Variants in CWF19L2 observed in about 807,000 individuals in gnomAD.
CWF19L2 encodes CWF19-like protein 2.
Under a neutral mutation model 111.7 loss-of-function variants are expected in CWF19L2, and 98 were observed. The ratio of observed to expected loss-of-function variants is 0.88; its 90% CI spans 0.75 to 1.04. CWF19L2 has a LOEUF of 1.04. CWF19L2 is among the 50% of genes least tolerant of loss of function. The pLI is 0.00. For synonymous variants in CWF19L2, 351 were observed against 342.9 expected (o/e 1.02, Z -0.26); for missense variants, 1,101 against 1,051.4 (o/e 1.05, Z -0.65).
At chr11:107,452,762 CAGG>C (rs1284969141) in intron 3 of CWF19L2, among the ~76,000 whole-genome samples, 2 of 152,184 alleles carry the variant, frequency 1.3e-5, no homozygotes, top group African/African-American at 4.8e-5. Flanking sequence ...AAGGCTGAGG[CAGG>C]AGATCACTAG....
In CWF19L2 at chr11:107,416,318, TA is replaced by T; in HGVS notation, c.1528-21del. 2 of 1,122,474 alleles carry T rather than the reference TA, an allele frequency of 1.8e-6. No individual in the cohort carries two copies. The highest frequency in any genetic ancestry group is 1.6e-5 in the South Asian group (1 of 61,928). 69.5% of individuals were successfully genotyped at this position (1,122,474 alleles called of 1,614,324 possible). ...TAATTCCTTCAAAAAGAAAAACAAG[TA>T]AAATATGTGCGATATGTAGTTTAAT... On this transcript the variant is annotated intron_variant, in intron 9 of 17. Coordinates refer to ENST00000282251, the MANE Select transcript of CWF19L2 (RefSeq NM_152434.3).
chr11:107,328,671 C>T (rs1169615926), intron 17 of CWF19L2, among the ~76,000 whole-genome samples: 1 of 152,188 alleles, frequency 6.6e-6, no homozygotes, highest in East Asian at 1.9e-4. Flanking sequence ...TTAATATATA[C>T]AACTTTTTAA....
In CWF19L2 at chr11:107,369,236, T is replaced by C. The variant is rs998253352; in HGVS notation, c.1873-15500A>G. ...GTCAGTTCTTACTGCCATAAGCTCC[T>C]TGTGGTAGTCTGTTTCTTCACTTAT... On this transcript the variant is annotated intron_variant, in intron 12 of 17. Transcript: ENST00000282251. 3.6e-5 allele frequency among the ~76,000 whole-genome samples: 5 copies of C among 138,324 alleles called. 1 individual carries two copies. The highest frequency in any genetic ancestry group is 3.5e-4 in the Admixed American group (5 of 14,092). 90.7% of individuals were successfully genotyped at this position (138,324 alleles called of 152,430 possible).
chr11:107,417,198 T>C (rs190252003), intron 9 of CWF19L2, among the ~76,000 whole-genome samples: 189 of 152,350 alleles, frequency 1.2e-3, no homozygotes, highest in African/African-American at 4.3e-3. Flanking sequence ...TGCATACATA[T>C]GACCATGACT....
chr11:107,397,881 T>C (rs112721934), intron 10 of CWF19L2, among the ~76,000 whole-genome samples: 6,560 of 152,120 alleles, frequency 0.043, 250 homozygotes, highest in East Asian at 0.12. Context: ...CATAGCCAGG[T>C]AAACTTGCTG....
At chr11:107,456,056 T>C (rs1402930600) in intron 1 of CWF19L2, among the ~76,000 whole-genome samples, 2 of 152,194 alleles carry the variant, frequency 1.3e-5, no homozygotes, top group African/African-American at 4.8e-5. Flanking sequence ...CTCCCATCTC[T>C]CTAAGCTCCC....
At chr11:107,345,274 A>G (rs542224136) in intron 14 of CWF19L2, 199 of 213,234 alleles carry the variant, frequency 9.3e-4, no homozygotes, top group African/African-American at 4.4e-3. Context: ...TGAGAAGATA[A>G]CCTTATATAC....
chr11:107,353,486 T>C, intron 13 of CWF19L2, 38 bp downstream of exon 13: 1 of 1,521,454 alleles, frequency 6.6e-7, no homozygotes, highest in Non-Finnish European at 9.1e-7. Context: ...AAAAAAGTTC[T>C]ATGAGAATGT....
intron 16 of CWF19L2, among the ~76,000 whole-genome samples, chr11:107,330,689 C>CACAT (rs58207804): frequency 0.025 from 3,598 of 141,550 alleles, 262 homozygotes; most frequent in African/African-American, 0.07. Flanking sequence ...CACACACACA[C>CACAT]TTTAAACTAT....
Position 107,336,690 on chromosome 11 carries a change from CT to C in CWF19L2, c.2225del (p.Lys742ArgfsTer8). 6.7e-7 allele frequency: 1 copy of C among 1,488,668 alleles called. No homozygotes were observed. Among genetic ancestry groups the C allele is most frequent in the Non-Finnish European group, 9.0e-7 (1 of 1,105,162 alleles). 92.2% of individuals were successfully genotyped at this position (1,488,668 alleles called of 1,614,324 possible). Reference sequence around the variant, plus strand: ...AGTCTAATCCTTTATCTTCAAACATCTTTACCAATGATTTTCTGAACATCTA... The same window carrying C: ...AGTCTAATCCTTTATCTTCAAACATCTTACCAATGATTTTCTGAACATCTA... ...EIQMFRKSLVKMFEDKGLDCI... is the reference protein window; with the variant it reads ...EIQMFRKSLVXMFEDKGLDCI... On this transcript the variant is annotated frameshift_variant, in exon 15 of 18. Coordinates refer to ENST00000282251, the MANE Select transcript of CWF19L2 (RefSeq NM_152434.3). LOFTEE classifies it high-confidence loss of function.
intron 14 of CWF19L2, among the ~76,000 whole-genome samples, chr11:107,338,383 G>A (rs1233434131): frequency 1.3e-5 from 2 of 152,050 alleles, no homozygotes; most frequent in African/African-American, 2.4e-5. Context: ...AATCTTTTGA[G>A]GTAGGCTTTT....
intron 5 of CWF19L2, 57 bp from the exon 6 acceptor site, chr11:107,439,240 T>A (rs1403020619): frequency 3.9e-6 from 4 of 1,017,790 alleles, no homozygotes; most frequent in Non-Finnish European, 5.9e-6. Context: ...TTATAAAAAA[T>A]TAACAAATAA....
chr11:107,361,864 C>A (rs1311303070), intron 12 of CWF19L2, among the ~76,000 whole-genome samples: 1 of 152,150 alleles, frequency 6.6e-6, no homozygotes, highest in Admixed American at 6.5e-5. Context: ...CAGCTCCAAG[C>A]GTGAGAGACG....
chr11:107,436,908 G>T (rs1391111368), intron 6 of CWF19L2, among the ~76,000 whole-genome samples: 1 of 152,058 alleles, frequency 6.6e-6, no homozygotes, highest in African/African-American at 2.4e-5. Context: ...TTACATGGTT[G>T]CCAAGAAAAA....
chr11:107,406,375 G>A (rs914810639), intron 10 of CWF19L2, among the ~76,000 whole-genome samples: 2 of 151,942 alleles, frequency 1.3e-5, no homozygotes, highest in Admixed American at 6.6e-5. Flanking sequence ...TATTTTCATG[G>A]CTTTTGAATA....
intron 12 of CWF19L2, among the ~76,000 whole-genome samples, chr11:107,361,999 T>C (rs655448): frequency 0.27 from 41,428 of 152,066 alleles, 5,844 homozygotes; most frequent in Non-Finnish European, 0.32. Flanking sequence ...GGGCGAGGCA[T>C]TGCCGCACTT....
chr11:107,347,699 T>C (rs1352398973), intron 14 of CWF19L2, among the ~76,000 whole-genome samples: 4 of 152,208 alleles, frequency 2.6e-5, no homozygotes, highest in African/African-American at 9.6e-5. Context: ...ATTAATGAAT[T>C]ACTTGATCTC....
At chr11:107,332,334 T>C (rs915210549) in intron 16 of CWF19L2, among the ~76,000 whole-genome samples, 19 of 152,316 alleles carry the variant, frequency 1.2e-4, no homozygotes, top group African/African-American at 4.6e-4. Context: ...ATCATGCAAT[T>C]CCTCTGCATT....
intron 1 of CWF19L2, among the ~76,000 whole-genome samples, chr11:107,456,803 G>A (rs1861862298): frequency 6.6e-6 from 1 of 152,154 alleles, no homozygotes. Context: ...AGAGAAAAGA[G>A]CAGGGCTTAT....
Sources: allele counts gnomAD v4.1 joint callset (sites outside exome capture counted in the v4.1 genomes callset), GRCh38; gene constraint gnomAD v4.1.1; transcripts MANE v1.5; gene names NCBI Gene and HGNC (gene_info 2026-07-23, HGNC 2026-07-21).